The following INSL6 variants were observed in gnomAD, a reference collection of about 807,000 sequenced individuals.
INSL6 encodes insulin like 6.
A neutral mutation model predicts 9.4 loss-of-function variants in INSL6; 16 were observed. The observed-to-expected ratio is 1.70, with a 90% CI of 1.15 to 2.59. INSL6 has a LOEUF of 2.59. Ranked by LOEUF, INSL6 falls within the 30% of genes most tolerant of loss-of-function variation. The pLI, the probability that INSL6 is intolerant of heterozygous loss-of-function variation, is 0.00. For synonymous variants in INSL6, 154 were observed against 96.9 expected (o/e 1.59, Z -3.46); for missense variants, 391 against 257.3 (o/e 1.52, Z -3.56).
the INSL6 span, among the ~76,000 whole-genome samples, chr9:5,118,194 C>A: frequency 6.6e-6 from 1 of 152,106 alleles, no homozygotes; most frequent in Non-Finnish European, 1.5e-5. Flanking sequence ...CAATTTGATA[C>A]CCACTTATCA....
chr9:5,066,526 T>C, the INSL6 span: 1 of 534,058 alleles, frequency 1.9e-6, no homozygotes, highest in South Asian at 2.6e-5. Context: ...GGTACTTTGA[T>C]TTTTTCCTTT....
the INSL6 span, among the ~76,000 whole-genome samples, chr9:5,079,428 A>G: frequency 1.5e-4 from 23 of 152,124 alleles, no homozygotes; most frequent in Admixed American, 2.6e-4. Context: ...ACCTATATCA[A>G]TTCCATATAT....
the INSL6 span, among the ~76,000 whole-genome samples, chr9:4,994,741 A>G: frequency 1.3e-5 from 2 of 152,174 alleles, no homozygotes; most frequent in Admixed American, 6.5e-5. Flanking sequence ...TGCTCTGCCA[A>G]TTCCCAATTT....
chr9:5,073,639 C>G, the INSL6 span: 5 of 1,251,420 alleles, frequency 4.0e-6, no homozygotes, highest in Non-Finnish European at 4.6e-6. Flanking sequence ...AGAGAATTTT[C>G]TGAACTATTT....
chr9:5,078,589 T>C, the INSL6 span: 2 of 672,102 alleles, frequency 3.0e-6, no homozygotes, highest in Non-Finnish European at 4.9e-6. Context: ...CAATTTAAAT[T>C]GTTAGTTAAA....
Position 5,126,445 on chromosome 9 carries a change from A to C in INSL6, c.*11-1934T>G. 4 of 1,590,776 alleles carry C rather than the reference A, an allele frequency of 2.5e-6. No individual in the cohort carries two copies. In the South Asian group the frequency reaches 4.5e-5, roughly 18 times the overall value. ...CCAAGACCAGATGGATGCCCAGATG[A>C]GGTAACAATTTTTTTTTAATCCAGG... On this transcript the variant is annotated intron_variant, in intron 3 of 3. Transcript: ENST00000649639.
At chr9:5,150,844 G>GACAC (rs1351844947) in intron 2 of INSL6, among the ~76,000 whole-genome samples, 8 of 119,886 alleles carry the variant, frequency 6.7e-5, no homozygotes, top group African/African-American at 3.3e-4. Context: ...CTGGATAAAG[G>GACAC]AGACACACAC....
chr9:5,166,233 A>C (rs1330629172), intron 1 of INSL6, among the ~76,000 whole-genome samples: 1 of 152,150 alleles, frequency 6.6e-6, no homozygotes, highest in Non-Finnish European at 1.5e-5. Context: ...TGTTTTTTTA[A>C]GAGGTAATAT....
chr9:4,998,498 G>A, the INSL6 span, among the ~76,000 whole-genome samples: 284 of 152,038 alleles, frequency 1.9e-3, 2 homozygotes, highest in African/African-American at 6.5e-3. Flanking sequence ...CTCGTGATCC[G>A]CCCGCCTTGG....
At chr9:5,148,777 C>T (rs1265334899) in intron 2 of INSL6, among the ~76,000 whole-genome samples, 1 of 152,188 alleles carries the variant, frequency 6.6e-6, no homozygotes, top group Non-Finnish European at 1.5e-5. Context: ...GGGTTGGGTT[C>T]CTGGTGTGGT....
At chr9:5,092,349 T>G in the INSL6 span, among the ~76,000 whole-genome samples, 1 of 152,094 alleles carries the variant, frequency 6.6e-6, no homozygotes, top group African/African-American at 2.4e-5. Flanking sequence ...TCTCTATACA[T>G]GAATAGAGGA....
intron 1 of INSL6, among the ~76,000 whole-genome samples, chr9:5,176,546 G>A (rs779708706): frequency 2.0e-5 from 3 of 151,992 alleles, no homozygotes; most frequent in South Asian, 4.2e-4. Flanking sequence ...AAAAGTATGC[G>A]AAAAGAAGAC....
the INSL6 span, chr9:5,055,597 C>T: frequency 8.5e-6 from 10 of 1,183,240 alleles, no homozygotes; most frequent in Non-Finnish European, 1.1e-5. Flanking sequence ...AGAATGTTGT[C>T]TTCTTAAGTC....
Position 5,185,444 on chromosome 9 carries a change from G to C in INSL6, c.159C>G (p.Phe53Leu), listed in dbSNP as rs888935699. The change falls in exon 1 of 2, where the codon TTC becomes TTG. Residue 53 changes from phenylalanine (F) to leucine (L), a missense_variant. Physicochemically the swap from Phe to Leu is conservative, Grantham distance 22. Coordinates refer to ENST00000381641, the MANE Select transcript of INSL6 (RefSeq NM_007179.3). ...KLCGHANWSQFRFEEETPFSR... is the reference protein window; with the variant it reads ...KLCGHANWSQLRFEEETPFSR... ...AGAAAGGGGTTTCCTCCTCGAAACG[G>C]AACTGGCTCCAGTTGGCATGGCCGC... is the stretch of plus-strand genomic sequence containing the variant. 3.1e-6 allele frequency: 5 copies of C among 1,614,080 alleles called. No homozygotes were observed. Among genetic ancestry groups the C allele is most frequent in the East Asian group, 2.2e-5 (1 of 44,884 alleles).
chr9:5,103,691 A>G, the INSL6 span, among the ~76,000 whole-genome samples: 1 of 152,206 alleles, frequency 6.6e-6, no homozygotes, highest in Admixed American at 6.5e-5. Flanking sequence ...ACCAAACGTA[A>G]AAGAACAGAT....
intron 1 of INSL6, among the ~76,000 whole-genome samples, chr9:5,174,056 A>C (rs1564054355): frequency 1.3e-5 from 2 of 152,212 alleles, no homozygotes; most frequent in Non-Finnish European, 2.9e-5. Context: ...CAATTTCTGC[A>C]CTTACGTATT....
the INSL6 span, among the ~76,000 whole-genome samples, chr9:5,047,653 AT>A: frequency 6.6e-6 from 1 of 152,034 alleles, no homozygotes; most frequent in African/African-American, 2.4e-5. Flanking sequence ...TTTCTTTCTT[AT>A]TTTATTTTTT....
chr9:5,085,589 T>C, the INSL6 span: 1 of 696,672 alleles, frequency 1.4e-6, no homozygotes, highest in East Asian at 2.6e-5. Context: ...GCCCCACCTA[T>C]AGATACTACA....
the INSL6 span, among the ~76,000 whole-genome samples, chr9:5,116,473 A>C: frequency 2.0e-5 from 3 of 152,220 alleles, no homozygotes; most frequent in African/African-American, 7.2e-5. Flanking sequence ...ACTCATCTAA[A>C]AATAATCATC....
Sources: gnomAD v4.1 joint callset for allele counts (sites outside exome capture counted in the v4.1 genomes callset) on GRCh38, gnomAD v4.1.1 for gene constraint, MANE v1.5 for transcripts, NCBI Gene and HGNC (gene_info 2026-07-23, HGNC 2026-07-21) for gene names.